GNAS: variants seen among roughly 807,000 people sequenced by gnomAD.
The protein encoded by GNAS is GNAS complex locus.
Under a neutral mutation model 54.5 loss-of-function variants are expected in GNAS, and 8 were observed. That is an observed-to-expected ratio of 0.15 (90% CI 0.09 to 0.26). The LOEUF is 0.26. GNAS is among the 10% of genes least tolerant of loss of function. The probability of loss-of-function intolerance (pLI) is 1.00; values close to 1 mark genes in which losing one functional copy is unlikely to be tolerated. For missense variants in GNAS, 170 were observed against 529.8 expected (o/e 0.32, Z 6.67); for synonymous variants, 204 against 191.4 (o/e 1.07, Z -0.54).
chr20:58,894,414 T>G (rs1391087464), intron 1 of GNAS, among the ~76,000 whole-genome samples: 1 of 152,256 alleles, frequency 6.6e-6, no homozygotes, highest in Admixed American at 6.5e-5. Flanking sequence ...TAATTTTAAC[T>G]TTTACAGATA....
At chr20:58,897,620 G>A (rs2090188501) in intron 2 of GNAS, 1 of 152,146 alleles carries the variant, frequency 6.6e-6, no homozygotes, top group African/African-American at 2.4e-5. Flanking sequence ...GAGCCAGCCT[G>A]TAACACCAGG....
rs746962322 is a variant in GNAS, at chr20:58,909,913, G to A, written c.840-38G>A. 1.8e-5 allele frequency: 29 copies of A among 1,613,564 alleles called. No homozygotes were observed. Among genetic ancestry groups the A allele is most frequent in the South Asian group, 3.3e-5 (3 of 91,060 alleles). On this transcript the variant is annotated intron_variant, in intron 10 of 12. Transcript: ENST00000371085. The surrounding 1 kb of genome is among the most constrained non-coding windows in gnomAD (Gnocchi z 7.3). ...ATTCCAGACCCCTGGCCGAAAGCGC[G>A]CTTCTCCCAAGCATTCACACGGCCT...
upstream of GNAS, chr20:58,840,002 C>A: frequency 7.6e-7 from 1 of 1,313,726 alleles, no homozygotes; most frequent in Non-Finnish European, 1.1e-6. The surrounding 1 kb of genome is among the most constrained non-coding windows in gnomAD (Gnocchi z 6.0). Context: ...GCCAGCTTCT[C>A]ACCTCATAGG....
At chr20:58,902,771 G>A (rs1029541778) in intron 3 of GNAS, among the ~76,000 whole-genome samples, 6 of 106,430 alleles carry the variant, frequency 5.6e-5, no homozygotes, top group Middle Eastern at 0.011. Context: ...TCTCACTCTC[G>A]CCCTGGCTGG....
intron 3 of GNAS, among the ~76,000 whole-genome samples, chr20:58,902,282 C>T (rs1424336580): frequency 6.6e-6 from 1 of 152,140 alleles, no homozygotes. Context: ...GATACATACT[C>T]CACACAAGAG....
At chr20:58,848,351 A>G (rs967097150) in intron 1 of GNAS, among the ~76,000 whole-genome samples, 3 of 152,112 alleles carry the variant, frequency 2.0e-5, no homozygotes, top group African/African-American at 7.2e-5. Flanking sequence ...CACAGCGTCT[A>G]TCCATCCCAA....
At chr20:58,900,658 C>T (rs895356980) in intron 3 of GNAS, among the ~76,000 whole-genome samples, 8 of 152,166 alleles carry the variant, frequency 5.3e-5, no homozygotes, top group African/African-American at 1.9e-4. Flanking sequence ...AATCAGAATT[C>T]TAGCTAATGG....
chr20:58,892,163 CT>C, intron 1 of GNAS: 4 of 967,118 alleles, frequency 4.1e-6, no homozygotes, highest in Non-Finnish European at 4.9e-6. Flanking sequence ...CCCTCTTTCT[CT>C]CTTTCTCTCT....
chr20:58,862,516 C>T (rs1343192566), intron 1 of GNAS, among the ~76,000 whole-genome samples: 1 of 151,038 alleles, frequency 6.6e-6, no homozygotes, highest in East Asian at 1.9e-4. Flanking sequence ...TCTCCCTGCT[C>T]CAAGTGAGGT....
chr20:58,854,392 CG>C, intron 1 of GNAS: 2 of 1,566,202 alleles, frequency 1.3e-6, no homozygotes, highest in Non-Finnish European at 1.7e-6. Context: ...GTACCCTCTC[CG>C]GGGTACGGAT....
intron 1 of GNAS, among the ~76,000 whole-genome samples, chr20:58,860,002 G>A (rs1600741516): frequency 6.6e-6 from 1 of 152,220 alleles, no homozygotes; most frequent in Non-Finnish European, 1.5e-5. Context: ...TACCAGAAAT[G>A]TGATGATAAG....
chr20:58,862,537 G>A (rs917685599), intron 1 of GNAS, among the ~76,000 whole-genome samples: 1 of 151,024 alleles, frequency 6.6e-6, no homozygotes, highest in African/African-American at 2.4e-5. Flanking sequence ...TTTGGGTTTG[G>A]TTAGTTTTCT....
intron 3 of GNAS, among the ~76,000 whole-genome samples, chr20:58,902,324 G>A (rs555170768): frequency 5.3e-5 from 8 of 152,260 alleles, no homozygotes; most frequent in East Asian, 3.9e-4. Context: ...ACATAAACTC[G>A]AGAACCTTCC....
chr20:58,875,628 C>T (rs1290179834), intron 1 of GNAS, among the ~76,000 whole-genome samples: 1 of 152,220 alleles, frequency 6.6e-6, no homozygotes, highest in South Asian at 2.1e-4. Context: ...GGACCCCTCA[C>T]ACCAGATCTC....
chr20:58,871,512 G>A (rs1245284312), intron 1 of GNAS, among the ~76,000 whole-genome samples: 1 of 151,230 alleles, frequency 6.6e-6, no homozygotes, highest in African/African-American at 2.4e-5. Context: ...TACTCGGGAG[G>A]CTGAGACAGG....
At chr20:58,887,668 G>T (rs1263161762), upstream of GNAS, among the ~76,000 whole-genome samples, 1 of 152,228 alleles carries the variant, frequency 6.6e-6, no homozygotes, top group African/African-American at 2.4e-5. Context: ...ATGATCAGGA[G>T]TGTGACAAAA....
Position 58,844,772 on chromosome 20 carries a change from C to T in GNAS, c.43+3886C>T, listed in dbSNP as rs192763289. On this transcript the variant is annotated intron_variant, in intron 1 of 12. Transcript: ENST00000306090. ...GGTATCGCGCCATTGCACTCCAGCC[C>T]GGCCTACAGTGTGAGACTCCATCTC... Among the ~76,000 whole-genome samples the T allele has an allele frequency of 5.9e-5, 9 of 151,346 alleles. No homozygotes were observed. In the East Asian group the frequency reaches 7.8e-4, roughly 13 times the overall value.
In GNAS at chr20:58,891,742, A is replaced by G. The variant is rs2145914545; in HGVS notation, c.16A>G (p.Asn6Asp). 8.4e-7 allele frequency: 1 copy of G among 1,195,418 alleles called. No individual in the cohort carries two copies. Among genetic ancestry groups the G allele is most frequent in the Non-Finnish European group, 1.1e-6 (1 of 929,388 alleles). The allele number at this position is 1,195,418 out of a possible 1,614,324, so 74.1% of individuals were successfully genotyped here. Residue 6 changes from asparagine to aspartate, a missense_variant, in exon 1 of 13, where the codon AAC (asparagine) becomes GAC (aspartate). By Grantham distance (23) the Asn-to-Asp change is conservative. Transcript: ENST00000371085. ...CGCCGCCGCCATGGGCTGCCTCGGG[A>G]ACAGTAAGACCGAGGACCAGCGCAA... MGCLG[N>D]SKTEDQRNEE...
Position 58,909,851 on chromosome 20 carries a change from G to C in GNAS, c.839+47G>C, listed in dbSNP as rs372534901. On this transcript the variant is annotated intron_variant, in intron 10 of 12. Coordinates refer to ENST00000371085, the MANE Select transcript of GNAS (RefSeq NM_000516.7). This position sits in a 1 kb window ranked among gnomAD's most constrained non-coding sequence, Gnocchi z 7.3. ...CCCCTGCGCTTGCCCAGGAGGCCCT[G>C]GTCTGCACTGTTTATAGAGAAGAAC... 2.4e-5 allele frequency: 38 copies of C among 1,612,520 alleles called. No individual in the cohort carries two copies. In the East Asian group the frequency reaches 3.3e-4, roughly 14 times the overall value.
Sources: gnomAD v4.1 joint callset for allele counts (sites outside exome capture counted in the v4.1 genomes callset) on GRCh38, gnomAD v4.1.1 for gene constraint, Gnocchi (gnomAD v3.1) non-coding constraint, MANE v1.5 for transcripts, NCBI Gene and HGNC (gene_info 2026-07-23, HGNC 2026-07-21) for gene names.